Variants in HMGXB3 observed in about 807,000 individuals in gnomAD.
HMGXB3 encodes HMG-box containing 3, also known as HMG domain-containing protein 3.
In HMGXB3, 45 loss-of-function variants were observed where a neutral mutation model predicts 121.5. That is an observed-to-expected ratio of 0.37 (90% CI 0.29 to 0.47). The LOEUF (loss-of-function observed/expected upper bound fraction) is 0.47. Among genes scored for constraint, HMGXB3 ranks in the 20% least tolerant of loss-of-function variants. The pLI is 0.99. For missense variants in HMGXB3, 1,376 were observed against 1,602.2 expected (o/e 0.86, Z 2.41); for synonymous variants, 590 against 624.1 (o/e 0.95, Z 0.81).
intron 6 of HMGXB3, among the ~76,000 whole-genome samples, chr5:150,022,986 A>ATTTTTTTTTT (rs56092645): frequency 2.0e-5 from 2 of 100,866 alleles, no homozygotes; most frequent in African/African-American, 4.4e-5. Context: ...TGCCTGGCTA[A>ATTTTTTTTTT]TTTTTTTTTT....
In HMGXB3 at chr5:150,027,076, G is replaced by T. The variant is rs1434575487; in HGVS notation, c.1693G>T (p.Gly565Cys). ...GAAGCCAAGCACACTGAAGCAGCTG[G>T]GCCAGCCCATTCAACAGCCATCTGG... ...GLKPSTLKQL[G>C]QPIQQPSGPG... is the part of the protein sequence containing the mutation. Residue 565 changes from glycine (G) to cysteine (C), a missense_variant, in exon 9 of 20, where the codon GGC becomes TGC. By Grantham distance (159) the Gly-to-Cys change is radical. Coordinates refer to ENST00000502717, the MANE Select transcript of HMGXB3 (RefSeq NM_014983.3). The T allele has an allele frequency of 6.4e-7, 1 of 1,551,672 alleles. No individual in the cohort carries two copies. The highest frequency in any genetic ancestry group is 1.2e-5 in the South Asian group (1 of 84,056).
chr5:150,041,866 T>C lies in HMGXB3; in HGVS notation c.2627T>C (p.Val876Ala). 6.4e-7 allele frequency: 1 copy of C among 1,551,740 alleles called. No homozygotes were observed. Among genetic ancestry groups the C allele is most frequent in the African/African-American group, 1.4e-5 (1 of 73,176 alleles). Residue 876 changes from valine to alanine, a missense_variant, in exon 15 of 20, where the codon GTC becomes GCC. Around this residue, in one of 2 missense-constraint regions of HMGXB3, gnomAD observed 1,116 missense variants for 1,369.0 expected, o/e 0.82. Coordinates refer to ENST00000502717, the MANE Select transcript of HMGXB3 (RefSeq NM_014983.3). Reference sequence around the variant, plus strand: ...TATTGGGCCTTTGAGTGCCTCACTGTCCGAGACTACAATGACATGATCTGT... The same window carrying C: ...TATTGGGCCTTTGAGTGCCTCACTGCCCGAGACTACAATGACATGATCTGT... The part of the protein sequence containing the change: ...NGYWAFECLT[V>A]RDYNDMICGI...
At chr5:150,027,619 T>G (rs1363393123) in intron 9 of HMGXB3, among the ~76,000 whole-genome samples, 2 of 152,046 alleles carry the variant, frequency 1.3e-5, no homozygotes, top group African/African-American at 4.8e-5. Flanking sequence ...GGCACAATCT[T>G]GGCTCACTGC....
chr5:150,029,540 A>G (rs1470193709), intron 9 of HMGXB3, among the ~76,000 whole-genome samples: 2 of 152,178 alleles, frequency 1.3e-5, no homozygotes. Context: ...CCCAGTAAAC[A>G]TATATACTAA....
chr5:150,015,310 A>G (rs994683491), intron 5 of HMGXB3, among the ~76,000 whole-genome samples: 5 of 150,482 alleles, frequency 3.3e-5, no homozygotes, highest in African/African-American at 1.3e-4. Context: ...TTTTTGGTAA[A>G]TAAGGTTTCA....
intron 5 of HMGXB3, among the ~76,000 whole-genome samples, chr5:150,017,960 T>G (rs1268227771): frequency 6.6e-6 from 1 of 152,250 alleles, no homozygotes; most frequent in Non-Finnish European, 1.5e-5. Flanking sequence ...CTGTTGAGTA[T>G]CAAAGGATAG....
Position 150,041,962 on chromosome 5 carries a change from G to C in HMGXB3, c.2723G>C (p.Ser908Thr). Residue 908 changes from serine (S) to threonine (T), a missense_variant, in exon 15 of 20, where the codon AGC becomes ACC. By Grantham distance (58) the Ser-to-Thr change is moderately conservative (BLOSUM62 1). Around this residue, in one of 2 missense-constraint regions of HMGXB3, gnomAD observed 1,116 missense variants for 1,369.0 expected, o/e 0.82. Coordinates refer to ENST00000502717, the MANE Select transcript of HMGXB3 (RefSeq NM_014983.3). Reference protein sequence around the residue: ...RSEENVLALKSVEFTWPEFLG... With the variant: ...RSEENVLALKTVEFTWPEFLG... ...GAAGAGAATGTGCTAGCACTGAAGA[G>C]CGTGGAGGTAAGTGCCTCTTAGCCA... The C allele has an allele frequency of 6.4e-7, 1 of 1,551,018 alleles. No homozygotes were observed. Among genetic ancestry groups the C allele is most frequent in the Non-Finnish European group, 8.7e-7 (1 of 1,146,478 alleles).
intron 6 of HMGXB3, among the ~76,000 whole-genome samples, chr5:150,020,147 C>T (rs1756053733): frequency 1.3e-5 from 2 of 152,222 alleles, no homozygotes; most frequent in African/African-American, 4.8e-5. Flanking sequence ...GTTTCTGGTA[C>T]ATATTAAATC....
chr5:150,024,401 C>G lies in HMGXB3; in HGVS notation c.1181C>G (p.Ser394Trp). The G allele has an allele frequency of 6.4e-7, 1 of 1,551,700 alleles. No individual in the cohort carries two copies. Among genetic ancestry groups the G allele is most frequent in the East Asian group, 2.4e-5 (1 of 40,924 alleles). ...GCCTCCAAACTGACTCTGGAGAATT[C>G]GGAAGCTGTAAGCCAGCTCCTGAAC... ...ENASKLTLEN[S>W]EAVSQLLNVA... The change falls in exon 7 of 20, where the codon TCG (serine) becomes TGG (tryptophan). Residue 394 changes from serine to tryptophan, a missense_variant. Physicochemically the swap from Ser to Trp is radical, Grantham distance 177. Coordinates refer to ENST00000502717, the MANE Select transcript of HMGXB3 (RefSeq NM_014983.3).
intron 13 of HMGXB3, among the ~76,000 whole-genome samples, chr5:150,040,156 A>G (rs1756594940): frequency 1.3e-5 from 2 of 152,134 alleles, no homozygotes; most frequent in Admixed American, 1.3e-4. Flanking sequence ...TATTGGGGGA[A>G]AAAGATCTAC....
chr5:150,022,303 G>A (rs1306145634), intron 6 of HMGXB3, among the ~76,000 whole-genome samples: 1 of 152,166 alleles, frequency 6.6e-6, no homozygotes, highest in Non-Finnish European at 1.5e-5. Flanking sequence ...ACCTTTTGTT[G>A]TATTGTTCTA....
At chr5:150,036,516 G>T in intron 11 of HMGXB3, 120 bp from the exon 12 acceptor site, 3 of 850,074 alleles carry the variant, frequency 3.5e-6, no homozygotes, top group Non-Finnish European at 3.6e-6. Context: ...TAGGAACCTA[G>T]GTTTGCCACC....
chr5:150,031,499 T>C (rs773970627), intron 10 of HMGXB3, among the ~76,000 whole-genome samples: 8 of 152,256 alleles, frequency 5.3e-5, no homozygotes, highest in Non-Finnish European at 1.0e-4. Context: ...TCTTTCCTTC[T>C]GTGGTCCTCA....
At chr5:150,006,988 C>T (rs1168030916) in intron 3 of HMGXB3, among the ~76,000 whole-genome samples, 1 of 152,190 alleles carries the variant, frequency 6.6e-6, no homozygotes, top group Non-Finnish European at 1.5e-5. Flanking sequence ...ATAGGCATTT[C>T]TCCTACGCCA....
At chr5:150,044,114 C>CAGGTACTTCTTTCATAG (rs1756700472) in intron 15 of HMGXB3, among the ~76,000 whole-genome samples, 1 of 152,220 alleles carries the variant, frequency 6.6e-6, no homozygotes, top group East Asian at 1.9e-4. Context: ...TCAGTGGTAC[C>CAGGTACTTCTTTCATAG]AGGTACTTCT....
At chr5:150,015,477 G>A (rs1755939310) in intron 5 of HMGXB3, among the ~76,000 whole-genome samples, 1 of 152,066 alleles carries the variant, frequency 6.6e-6, no homozygotes, top group Non-Finnish European at 1.5e-5. Context: ...TGCAGAGATG[G>A]GGGTCTCTCT....
Position 150,024,505 on chromosome 5 carries a change from G to T in HMGXB3, c.1285G>T (p.Glu429Ter). The T allele has an allele frequency of 6.4e-7, 1 of 1,551,716 alleles. No individual in the cohort carries two copies. Residue 429 changes from glutamate to a stop codon, truncating the protein, a stop_gained, in exon 7 of 20, where the codon GAA becomes TAA. Coordinates refer to ENST00000502717, the MANE Select transcript of HMGXB3 (RefSeq NM_014983.3). LOFTEE classifies it high-confidence loss of function. ...CTCCGATGCCCATGTTTTGGTTAAG[G>T]AAGCTCCCGGGAATTGTGGTACAGC... ...IISDAHVLVK[E>*]APGNCGTAVT...
chr5:150,003,810 G>A (rs1755632931), intron 1 of HMGXB3, among the ~76,000 whole-genome samples: 1 of 151,608 alleles, frequency 6.6e-6, no homozygotes, highest in African/African-American at 2.4e-5. Context: ...CAAAAAATTA[G>A]CCAGGCGTGA....
At chr5:150,049,387 C>T (rs1756837701) in intron 18 of HMGXB3, among the ~76,000 whole-genome samples, 1 of 149,352 alleles carries the variant, frequency 6.7e-6, no homozygotes, top group African/African-American at 2.4e-5. Context: ...ACAGAGTGGG[C>T]CCAGGTAGAT....
Sources: gnomAD v4.1 joint callset for allele counts (sites outside exome capture counted in the v4.1 genomes callset) on GRCh38, gnomAD v4.1.1 for gene constraint, gnomAD v4.1.1 regional missense constraint, MANE v1.5 for transcripts, NCBI Gene and HGNC (gene_info 2026-07-23, HGNC 2026-07-21) for gene names.